GOLM1: variants seen among roughly 807,000 people sequenced by gnomAD.
GOLM1 encodes the protein epididymis luminal protein 46.
A neutral mutation model predicts 50.5 loss-of-function variants in GOLM1; 31 were observed. The ratio of observed to expected loss-of-function variants is 0.61; its 90% CI spans 0.46 to 0.83. The LOEUF (loss-of-function observed/expected upper bound fraction) is 0.83. Ranked by LOEUF, GOLM1 falls within the 40% of genes least tolerant of loss-of-function variation. The pLI is 0.00. For missense variants in GOLM1, 491 were observed against 501.3 expected (o/e 0.98, Z 0.20); for synonymous variants, 178 against 192.8 (o/e 0.92, Z 0.64).
chr9:86,027,906 AAC>A lies in GOLM1; in HGVS notation c.1130-15_1130-14del, dbSNP rs747310747. On this transcript the variant is annotated splice_polypyrimidine_tract_variant and intron_variant, in intron 9 of 9. Coordinates refer to ENST00000388712, the MANE Select transcript of GOLM1 (RefSeq NM_016548.4). ...TCAACATTAAAAACTAAAAAGGAAA[AAC>A]ACATAATATTCTATAGAGTATTAAA... 1.2e-5 allele frequency: 18 copies of A among 1,450,022 alleles called. No homozygotes were observed. Among genetic ancestry groups the A allele is most frequent in the East Asian group, 2.3e-5 (1 of 44,104 alleles). 89.8% of individuals were successfully genotyped at this position (1,450,022 alleles called of 1,614,324 possible). A position where few individuals can be genotyped will look rare whatever the true frequency, so the allele number is the denominator to read the frequency against.
intron 9 of GOLM1, among the ~76,000 whole-genome samples, chr9:86,031,228 G>A (rs562686060): frequency 2.6e-5 from 4 of 151,900 alleles, no homozygotes; most frequent in African/African-American, 9.6e-5. Context: ...AAAAAAAAAG[G>A]GCATCGGCAG....
At chr9:86,096,000 A>G (rs1835345324) in intron 1 of GOLM1, among the ~76,000 whole-genome samples, 1 of 152,192 alleles carries the variant, frequency 6.6e-6, no homozygotes, top group Non-Finnish European at 1.5e-5. Flanking sequence ...TGAGTTGTAT[A>G]ATCCCCCTCT....
Position 86,027,726 on chromosome 9 carries a change from T to G in GOLM1, c.*91A>C. The G allele has an allele frequency of 2.7e-6, 4 of 1,504,988 alleles. No homozygotes were observed. Among genetic ancestry groups the G allele is most frequent in the Non-Finnish European group, 3.5e-6 (4 of 1,126,836 alleles). 93.2% of individuals were successfully genotyped at this position (1,504,988 alleles called of 1,614,324 possible). ...ATCTTCAGATGTACATTTTATTTAG[T>G]ACATTTCACAGTTTTCAGTATTCAG... On this transcript the variant is annotated 3_prime_UTR_variant, in exon 10 of 10. Coordinates refer to ENST00000388712, the MANE Select transcript of GOLM1 (RefSeq NM_016548.4).
intron 3 of GOLM1, among the ~76,000 whole-genome samples, chr9:86,055,482 G>A (rs984758244): frequency 3.3e-5 from 5 of 152,312 alleles, no homozygotes; most frequent in Non-Finnish European, 2.9e-5. Context: ...AGAGATGTCT[G>A]CACTCTCATG....
chr9:86,047,914 A>G (rs1356790857), intron 4 of GOLM1, among the ~76,000 whole-genome samples: 4 of 152,166 alleles, frequency 2.6e-5, no homozygotes, highest in African/African-American at 9.7e-5. Flanking sequence ...ATTCTAGGGT[A>G]CATGTGCACA....
intron 6 of GOLM1, among the ~76,000 whole-genome samples, chr9:86,038,444 G>C (rs1833224360): frequency 2.0e-5 from 3 of 152,104 alleles, no homozygotes; most frequent in African/African-American, 7.2e-5. Flanking sequence ...AACTGACCTG[G>C]GGGAATGAAA....
In GOLM1 at chr9:86,052,640, C is replaced by G. The variant is rs375206946; in HGVS notation, c.310-49G>C. On this transcript the variant is annotated intron_variant, in intron 3 of 9. Coordinates refer to ENST00000388712, the MANE Select transcript of GOLM1 (RefSeq NM_016548.4). ...GAAACACCCAAACCAACACCTCAGC[C>G]TGACAGCCAGATGTGATACAAACCA... 26 of 1,519,886 alleles carry G rather than the reference C, an allele frequency of 1.7e-5. No individual in the cohort carries two copies. In the African/African-American group the frequency reaches 3.4e-4, roughly 20 times the overall value. The allele number at this position is 1,519,886 out of a possible 1,614,324, so 94.1% of individuals were successfully genotyped here.
chr9:86,090,649 G>A (rs974544412), intron 1 of GOLM1, among the ~76,000 whole-genome samples: 7 of 151,996 alleles, frequency 4.6e-5, no homozygotes, highest in African/African-American at 1.7e-4. Flanking sequence ...AGAATTTCAA[G>A]CCAGTGTTTC....
At chr9:86,096,177 GT>G (rs11475801) in intron 1 of GOLM1, among the ~76,000 whole-genome samples, 71,106 of 140,464 alleles carry the variant, frequency 0.51, 17,440 homozygotes, top group Non-Finnish European at 0.58. Context: ...TGCTCGATAG[GT>G]TTTTTTTTTT....
intron 3 of GOLM1, among the ~76,000 whole-genome samples, chr9:86,053,399 C>CACAAA (rs1833842678): frequency 7.2e-6 from 1 of 138,402 alleles, no homozygotes; most frequent in Non-Finnish European, 1.6e-5. Context: ...CACATCAGTC[C>CACAAA]ACACCACACA....
intron 9 of GOLM1, among the ~76,000 whole-genome samples, chr9:86,028,637 A>G (rs943944804): frequency 1.3e-5 from 2 of 152,208 alleles, no homozygotes; most frequent in Non-Finnish European, 2.9e-5. Flanking sequence ...GCCTGTGGAC[A>G]GCTAAGCTGA....
At chr9:86,036,594 C>T (rs1276816575) in intron 6 of GOLM1, 87 bp from the exon 7 acceptor site, 3 of 1,329,770 alleles carry the variant, frequency 2.3e-6, no homozygotes. Flanking sequence ...ATGAATCCCA[C>T]CAATCCCACC....
chr9:86,074,850 C>T (rs2118838357), intron 3 of GOLM1, among the ~76,000 whole-genome samples: 1 of 152,274 alleles, frequency 6.6e-6, no homozygotes, highest in East Asian at 1.9e-4. Context: ...TTCCACCTCC[C>T]TCAGTGTCTT....
At chr9:86,077,349 GA>G in intron 3 of GOLM1, 62 bp downstream of exon 3, 1 of 1,341,084 alleles carries the variant, frequency 7.5e-7, no homozygotes, top group South Asian at 1.2e-5. Flanking sequence ...CCGCCAAGAA[GA>G]AACAGACAAT....
intron 3 of GOLM1, among the ~76,000 whole-genome samples, chr9:86,071,496 C>T (rs979726653): frequency 6.6e-5 from 10 of 151,824 alleles, no homozygotes; most frequent in South Asian, 4.2e-4. Flanking sequence ...CTGGCCAACA[C>T]GGAGAAACCC....
rs769277129 is a variant in GOLM1 at position 86,036,451 on chromosome 9, T to C, written c.654A>G (p.Thr218=). ...CGTTTCCCTTCCCTTGTGGCACCTC[T>C]GTGTGTGGCAGGCCTGCTGCCTGCA... ...PRLQAAGLPH[T]EVPQGKGNVL... The change falls in exon 7 of 10, where the codon ACA becomes ACG. Residue 218 remains threonine (T), a synonymous_variant. Coordinates refer to ENST00000388712, the MANE Select transcript of GOLM1 (RefSeq NM_016548.4). 7 of 1,614,056 alleles carry C rather than the reference T, an allele frequency of 4.3e-6. No individual in the cohort carries two copies. Among genetic ancestry groups the C allele is most frequent in the Non-Finnish European group, 5.9e-6 (7 of 1,179,970 alleles).
At chr9:86,054,267 CT>C (rs1377924416) in intron 3 of GOLM1, among the ~76,000 whole-genome samples, 5,374 of 140,056 alleles carry the variant, frequency 0.038, 108 homozygotes, top group African/African-American at 0.066. Context: ...CACTCATTGA[CT>C]TTTTTTTTTT....
intron 3 of GOLM1, among the ~76,000 whole-genome samples, chr9:86,057,645 C>A (rs1254748661): frequency 1.3e-5 from 1 of 79,398 alleles, no homozygotes; most frequent in African/African-American, 1.1e-4. Flanking sequence ...GGTCTGCACA[C>A]CCGTGTTCAG....
rs151191731 is a variant in GOLM1 at position 86,033,695 on chromosome 9, G to C, written c.1016-300C>G. Among the ~76,000 whole-genome samples the C allele has an allele frequency of 5.1e-3, 778 of 152,280 alleles. 4 individuals are homozygous for C. Among genetic ancestry groups the C allele is most frequent in the African/African-American group, 0.018 (743 of 41,564 alleles). On this transcript the variant is annotated intron_variant, in intron 8 of 9. Transcript: ENST00000388712. ...TTTTTTAAAGAGATAATCAACTCAA[G>C]ATAAAAGAAAGGTGCCACTGTTTTA...
Sources: gnomAD v4.1 joint callset for allele counts (sites outside exome capture counted in the v4.1 genomes callset) on GRCh38, gnomAD v4.1.1 for gene constraint, MANE v1.5 for transcripts, NCBI Gene and HGNC (gene_info 2026-07-23, HGNC 2026-07-21) for gene names.